Variants in ZNF775 observed in about 807,000 individuals in gnomAD.
ZNF775 encodes zinc finger protein 775.
ZNF775 carries 1 observed loss-of-function variant against 2.4 expected under a neutral mutation model. The ratio of observed to expected loss-of-function variants is 0.41; its 90% CI spans 0.15 to 1.94. The LOEUF (loss-of-function observed/expected upper bound fraction) is 1.94, where lower values mean the gene tolerates loss of function less well. ZNF775 is among the 30% of genes most tolerant of loss of function. The pLI is 0.30. For synonymous variants in ZNF775, 381 were observed against 373.3 expected, an observed-to-expected ratio of 1.02 and a Z score of -0.24; for missense variants, 823 against 826.6, an observed-to-expected ratio of 1.00 and a Z score of 0.05.
intron 1 of ZNF775, among the ~76,000 whole-genome samples, chr7:150,383,178 A>G (rs1311397047): frequency 6.6e-6 from 1 of 152,216 alleles, no homozygotes; most frequent in Non-Finnish European, 1.5e-5. Flanking sequence ...CATTTACATC[A>G]GTTTCTTATG....
chr7:150,385,731 A>C (rs1350848085), intron 1 of ZNF775, among the ~76,000 whole-genome samples: 1 of 152,202 alleles, frequency 6.6e-6, no homozygotes, highest in Non-Finnish European at 1.5e-5. Context: ...TGGAGTGACC[A>C]TCTGTGTTAG....
intron 2 of ZNF775, 26 bp from the exon 3 acceptor site, chr7:150,396,476 ACCTCTCTCCCT>A (rs1800652794): frequency 2.3e-5 from 36 of 1,539,550 alleles, no homozygotes; most frequent in Non-Finnish European, 2.8e-5. Flanking sequence ...AGCAGCAGTG[ACCTCTCTCCCT>A]CCTCTCTCCC....
intron 2 of ZNF775, among the ~76,000 whole-genome samples, chr7:150,395,651 C>T (rs1358139188): frequency 1.3e-5 from 2 of 152,198 alleles, no homozygotes; most frequent in Non-Finnish European, 1.5e-5. Flanking sequence ...ACACAGTATG[C>T]ATTCTTTAGT....
At position 150,397,495 on chromosome 7, in the gene ZNF775, C is replaced by T. The variant is rs978461996; in HGVS notation, c.1014C>T (p.Pro338=). The stretch of plus-strand genomic sequence containing the variant: ...ACCACACAGGCGAGCGCCCGCACCC[C>T]TGCCCGCACTGTGGCCGCGGCTTCC... The part of the protein sequence containing the change: ...LRNHTGERPH[P]CPHCGRGFRQ... Residue 338 remains proline, a synonymous_variant, in exon 3 of 3, where the codon CCC becomes CCT. Coordinates refer to ENST00000329630, the MANE Select transcript of ZNF775 (RefSeq NM_173680.4). 2.5e-6 allele frequency: 4 copies of T among 1,581,188 alleles called. No homozygotes were observed. The highest frequency in any genetic ancestry group is 2.7e-5 in the African/African-American group (2 of 73,926).
chr7:150,397,618 C>CGCGCT lies in ZNF775; in HGVS notation c.1142_1146dup (p.Ala383CysfsTer109). 1 of 1,372,874 alleles carries CGCGCT rather than the reference C, an allele frequency of 7.3e-7. No homozygotes were observed. The highest frequency in any genetic ancestry group is 9.3e-7 in the Non-Finnish European group (1 of 1,070,090). The allele number at this position is 1,372,874 out of a possible 1,614,324, so 85.0% of individuals were successfully genotyped here. On this transcript the variant is annotated frameshift_variant, in exon 3 of 3. Transcript: ENST00000329630. LOFTEE classifies it low-confidence loss of function (END_TRUNC). ...GCGGTAAGAGCTGCCGCAGCCGCGC[C>CGCGCT]GCGCTGCGCGCCCACCAGCGCGCCC...
chr7:150,387,249 T>C (rs7810069), intron 1 of ZNF775, among the ~76,000 whole-genome samples: 118,855 of 148,220 alleles, frequency 0.8, 48,532 homozygotes, highest in Non-Finnish European at 0.89. Flanking sequence ...GAACTGAGAT[T>C]GGGCCACTAC....
rs981630559 is a variant in ZNF775, at chr7:150,384,135, G to C, written c.-49-4287G>C. The stretch of plus-strand genomic sequence containing the variant: ...TCTTAACTGAACTGCAGCCTGACCC[G>C]GTGCGCGGAGGGCCGGGCCAGGGCC... On this transcript the variant is annotated intron_variant, in intron 1 of 2. Transcript: ENST00000329630. The surrounding 1 kb of genome is among the most constrained non-coding windows in gnomAD (Gnocchi z 4.1). Among the ~76,000 whole-genome samples the C allele has an allele frequency of 6.6e-6, 1 of 152,220 alleles. No homozygotes were observed. Among genetic ancestry groups the C allele is most frequent in the African/African-American group, 2.4e-5 (1 of 41,450 alleles).
At position 150,392,462 on chromosome 7, in the gene ZNF775, C is replaced by T. The variant is rs74303021; in HGVS notation, c.31+3961C>T. 2.9e-4 allele frequency among the ~76,000 whole-genome samples: 44 copies of T among 152,278 alleles called. No homozygotes were observed. The East Asian group carries it at 8.1e-3, about 28-fold the overall frequency. The stretch of plus-strand genomic sequence containing the variant: ...TGACTTGCAGCCTTAAGTCACCAGG[C>T]CCACCATGGAAGAGCCATGCCAATA... On this transcript the variant is annotated intron_variant, in intron 2 of 2. Coordinates refer to ENST00000329630, the MANE Select transcript of ZNF775 (RefSeq NM_173680.4).
intron 1 of ZNF775, among the ~76,000 whole-genome samples, chr7:150,381,413 C>T (rs1236160037): frequency 2.6e-5 from 4 of 152,126 alleles, no homozygotes; most frequent in Non-Finnish European, 4.4e-5. Context: ...ACCAGGCTGG[C>T]TGTTCATACC....
chr7:150,397,593 G>T lies in ZNF775; in HGVS notation c.1112G>T (p.Cys371Phe). 1 of 1,462,712 alleles carries T rather than the reference G, an allele frequency of 6.8e-7. No individual in the cohort carries two copies. Among genetic ancestry groups the T allele is most frequent in the African/African-American group, 1.5e-5 (1 of 66,658 alleles). The allele number at this position is 1,462,712 out of a possible 1,614,324, so 90.6% of individuals were successfully genotyped here. A position where few individuals can be genotyped will look rare whatever the true frequency, so the allele number is the denominator to read the frequency against. The change falls in exon 3 of 3, where the codon TGC becomes TTC. Residue 371 changes from cysteine (C) to phenylalanine (F), a missense_variant. By Grantham distance (205) the Cys-to-Phe change is radical. Coordinates refer to ENST00000329630, the MANE Select transcript of ZNF775 (RefSeq NM_173680.4). ...PGAQAAPCPSCGKSCRSRAAL... is the reference protein window; with the variant it reads ...PGAQAAPCPSFGKSCRSRAAL... ...GCCCAGGCTGCGCCCTGCCCCAGCT[G>T]CGGTAAGAGCTGCCGCAGCCGCGCC...
At position 150,382,715 on chromosome 7, in the gene ZNF775, G is replaced by A. The variant is rs898923939; in HGVS notation, c.-50+3323G>A. ...AGGCTCATTGTCTCTAGGGCTTTCT[G>A]TCTTGCTGTAACGTCTCTCCAGCCA... On this transcript the variant is annotated intron_variant, in intron 1 of 2. Transcript: ENST00000329630. This position sits in a 1 kb window ranked among gnomAD's most constrained non-coding sequence, Gnocchi z 4.6. 1 of 152,464 alleles carries A rather than the reference G, an allele frequency of 6.6e-6. No homozygotes were observed. Among genetic ancestry groups the A allele is most frequent in the East Asian group, 1.9e-4 (1 of 5,208 alleles). The allele number at this position is 152,464 out of a possible 1,614,324, so 9.4% of individuals were successfully genotyped here. A position where few individuals can be genotyped will look rare whatever the true frequency, so the allele number is the denominator to read the frequency against.
At chr7:150,396,405 CT>C in intron 2 of ZNF775, 107 bp from the exon 3 acceptor site, 1 of 1,362,406 alleles carries the variant, frequency 7.3e-7, no homozygotes, top group Non-Finnish European at 9.7e-7. Flanking sequence ...TTTTCAGCCC[CT>C]CTCTGCCCTC....
At chr7:150,387,711 G>A (rs1447249838) in intron 1 of ZNF775, among the ~76,000 whole-genome samples, 1 of 152,098 alleles carries the variant, frequency 6.6e-6, no homozygotes, top group African/African-American at 2.4e-5. Context: ...TACTCAGGAG[G>A]CTGAGGCAGA....
chr7:150,388,775 T>G (rs1438077687), intron 2 of ZNF775, among the ~76,000 whole-genome samples: 6 of 152,206 alleles, frequency 3.9e-5, no homozygotes, highest in Admixed American at 3.3e-4. Context: ...TTGTAGAAAT[T>G]GAGGTGTTAT....
chr7:150,391,991 G>T (rs536944401), intron 2 of ZNF775, among the ~76,000 whole-genome samples: 9 of 152,276 alleles, frequency 5.9e-5, no homozygotes, highest in African/African-American at 2.2e-4. Flanking sequence ...TGGGATTACT[G>T]ACGTGAACCA....
At chr7:150,389,905 G>GTTTTAT (rs1800530067) in intron 2 of ZNF775, among the ~76,000 whole-genome samples, 1 of 4,916 alleles carries the variant, frequency 2.0e-4, no homozygotes, top group African/African-American at 6.1e-4. Flanking sequence ...GTGTGTGTGT[G>GTTTTAT]TGTGTGTGTG....
intron 2 of ZNF775, among the ~76,000 whole-genome samples, chr7:150,394,805 T>C (rs1454244594): frequency 3.3e-5 from 5 of 152,192 alleles, no homozygotes; most frequent in Admixed American, 2.6e-4. Flanking sequence ...ATAAATTATA[T>C]TGGGCCATCT....
rs533118651 is a variant in ZNF775 at position 150,382,354 on chromosome 7, G to A, written c.-50+2962G>A. Among the ~76,000 whole-genome samples the A allele has an allele frequency of 6.6e-5, 10 of 152,124 alleles. No homozygotes were observed. Among genetic ancestry groups the A allele is most frequent in the Non-Finnish European group, 8.8e-5 (6 of 68,006 alleles). ...CCAAACTCAGGGAGCAGGTATTTCC[G>A]TTCACCTGCGCCTTCAAGAACCTGA... On this transcript the variant is annotated intron_variant, in intron 1 of 2. Coordinates refer to ENST00000329630, the MANE Select transcript of ZNF775 (RefSeq NM_173680.4). This position sits in a 1 kb window ranked among gnomAD's most constrained non-coding sequence, Gnocchi z 4.6.
At position 150,398,148 on chromosome 7, in the gene ZNF775, G is replaced by A; in HGVS notation, c.*53G>A. On this transcript the variant is annotated 3_prime_UTR_variant, in exon 3 of 3. Transcript: ENST00000329630. The stretch of plus-strand genomic sequence containing the variant: ...GGTGCGGGGGATGTTTGCGGGGTGT[G>A]TGTGGGGAGTGGGGGTGGCCAGGAT... 6.6e-7 allele frequency: 1 copy of A among 1,526,580 alleles called. No homozygotes were observed. Among genetic ancestry groups the A allele is most frequent in the East Asian group, 2.5e-5 (1 of 40,748 alleles). The allele number at this position is 1,526,580 out of a possible 1,614,324, so 94.6% of individuals were successfully genotyped here. A position where few individuals can be genotyped will look rare whatever the true frequency, so the allele number is the denominator to read the frequency against.
Sources: allele counts gnomAD v4.1 joint callset (sites outside exome capture counted in the v4.1 genomes callset), GRCh38; gene constraint gnomAD v4.1.1; non-coding constraint Gnocchi (gnomAD v3.1); transcripts MANE v1.5; gene names NCBI Gene and HGNC (gene_info 2026-07-23, HGNC 2026-07-21).